RASAL2: variants seen among roughly 807,000 people sequenced by gnomAD.
RASAL2 encodes RAS protein activator like 2, also known as ras GTPase-activating protein nGAP.
A neutral mutation model predicts 128.9 loss-of-function variants in RASAL2; 58 were observed. That is an observed-to-expected ratio of 0.45 (90% CI 0.36 to 0.56). RASAL2 has a LOEUF of 0.56. Among genes scored for constraint, RASAL2 ranks in the 20% least tolerant of loss-of-function variants. RASAL2 has a pLI of 0.00. For synonymous variants in RASAL2, 561 were observed against 580.8 expected (o/e 0.97, Z 0.49); for missense variants, 1,360 against 1,601.6 (o/e 0.85, Z 2.57).
chr1:178,403,394 A>G (rs1310766305), intron 4 of RASAL2, among the ~76,000 whole-genome samples: 4 of 152,212 alleles, frequency 2.6e-5, no homozygotes, highest in Non-Finnish European at 5.9e-5. Flanking sequence ...AGAAATATGA[A>G]GATGAGCTCA....
At chr1:178,357,660 G>A (rs572499268) in intron 3 of RASAL2, among the ~76,000 whole-genome samples, 41 of 152,066 alleles carry the variant, frequency 2.7e-4, no homozygotes, top group African/African-American at 9.6e-4. Flanking sequence ...CATTTCAGTT[G>A]GAATTACAAT....
chr1:178,460,604 A>G (rs1201918905), intron 14 of RASAL2, among the ~76,000 whole-genome samples: 8 of 152,156 alleles, frequency 5.3e-5, no homozygotes, highest in Admixed American at 5.2e-4. Context: ...GAGTCACCAA[A>G]TATATTTTTT....
At chr1:178,399,885 G>A (rs1673502408) in intron 4 of RASAL2, among the ~76,000 whole-genome samples, 1 of 152,242 alleles carries the variant, frequency 6.6e-6, no homozygotes, top group South Asian at 2.1e-4. Flanking sequence ...TCTGCTGCCA[G>A]AGTGGTCTCT....
intron 12 of RASAL2, 101 bp from the exon 13 acceptor site, chr1:178,456,620 A>G (rs1677791760): frequency 3.9e-6 from 5 of 1,271,074 alleles, no homozygotes; most frequent in Non-Finnish European, 4.6e-6. Context: ...CTTCCCTCCA[A>G]CCTACACCCC....
chr1:178,262,064 G>T (rs538170259), intron 1 of RASAL2, among the ~76,000 whole-genome samples: 1 of 151,696 alleles, frequency 6.6e-6, no homozygotes, highest in African/African-American at 2.4e-5. Context: ...CTCTTTTTTT[G>T]GTGTCATTAT....
chr1:178,132,010 T>C (rs1279650469), intron 1 of RASAL2, among the ~76,000 whole-genome samples: 1 of 152,034 alleles, frequency 6.6e-6, no homozygotes, highest in African/African-American at 2.4e-5. Flanking sequence ...GTCAGGCATC[T>C]TTTCTTCCTC....
chr1:178,463,426 A>G (rs17513307), intron 14 of RASAL2, among the ~76,000 whole-genome samples: 65 of 152,290 alleles, frequency 4.3e-4, no homozygotes, highest in African/African-American at 1.4e-3. Context: ...TAGCACTCTG[A>G]AGTTTCCAAA....
At chr1:178,150,020 C>T (rs1296352427) in intron 1 of RASAL2, among the ~76,000 whole-genome samples, 2 of 152,118 alleles carry the variant, frequency 1.3e-5, no homozygotes, top group African/African-American at 4.8e-5. Context: ...TTTAAAGGTA[C>T]CATCCTATTT....
chr1:178,126,193 T>G (rs1225086637), intron 1 of RASAL2, among the ~76,000 whole-genome samples: 1 of 152,182 alleles, frequency 6.6e-6, no homozygotes, highest in African/African-American at 2.4e-5. Flanking sequence ...GATATGGCTG[T>G]GGAGCCTGTG....
intron 1 of RASAL2, among the ~76,000 whole-genome samples, chr1:178,137,370 T>C (rs1270979737): frequency 6.6e-6 from 1 of 152,204 alleles, no homozygotes; most frequent in Non-Finnish European, 1.5e-5. Flanking sequence ...TTTTCCTCTG[T>C]CCTCTTTCTC....
intron 3 of RASAL2, among the ~76,000 whole-genome samples, chr1:178,313,542 G>A (rs968027070): frequency 1.3e-5 from 2 of 151,640 alleles, no homozygotes; most frequent in African/African-American, 4.9e-5. Context: ...CCGGGCTGGA[G>A]TGCAGTGGCA....
intron 1 of RASAL2, among the ~76,000 whole-genome samples, chr1:178,210,112 T>C: frequency 6.6e-6 from 1 of 152,128 alleles, no homozygotes; most frequent in East Asian, 1.9e-4. Context: ...TTTTGTCTTT[T>C]CATGCTTCAT....
intron 1 of RASAL2, among the ~76,000 whole-genome samples, chr1:178,153,270 G>T (rs1660974376): frequency 6.6e-6 from 1 of 152,010 alleles, no homozygotes; most frequent in Non-Finnish European, 1.5e-5. Context: ...AGCTTAATCT[G>T]ATTTAGACAT....
rs763191586 is a variant in RASAL2, at chr1:178,300,108, C to T, written c.447C>T (p.Ala149=). The T allele has an allele frequency of 9.3e-6, 15 of 1,612,362 alleles. No homozygotes were observed. The highest frequency in any genetic ancestry group is 2.2e-5 in the South Asian group (2 of 90,792). Residue 149 remains alanine (A), a synonymous_variant, in exon 3 of 18, where the codon GCC becomes GCT. Coordinates refer to ENST00000367649, the MANE Select transcript of RASAL2 (RefSeq NM_170692.4). ...GQFPEYPPEG[A]TKLEVPAERS... ...TTCCCGAGTACCCACCAGAGGGCGC[C>T]ACTAAACTGGGTAAGCTACTATGAA... is the stretch of plus-strand genomic sequence containing the variant.
At chr1:178,391,184 G>T (rs541481679) in intron 4 of RASAL2, among the ~76,000 whole-genome samples, 2 of 152,132 alleles carry the variant, frequency 1.3e-5, no homozygotes, top group African/African-American at 2.4e-5. Context: ...GCTGAGGTGG[G>T]AGGATTAATT....
chr1:178,303,192 T>C (rs1667845512), intron 3 of RASAL2, among the ~76,000 whole-genome samples: 1 of 152,076 alleles, frequency 6.6e-6, no homozygotes, highest in Non-Finnish European at 1.5e-5. Flanking sequence ...CAATAACATA[T>C]CTTTTTGGAG....
intron 1 of RASAL2, among the ~76,000 whole-genome samples, chr1:178,128,358 G>A (rs1228859782): frequency 6.6e-6 from 1 of 152,036 alleles, no homozygotes; most frequent in African/African-American, 2.4e-5. Flanking sequence ...CTCTGTCTCA[G>A]TTCCCTGGTT....
At chr1:178,454,688 C>A in intron 12 of RASAL2, 40 bp downstream of exon 12, 2 of 1,557,530 alleles carry the variant, frequency 1.3e-6, no homozygotes, top group East Asian at 2.2e-5. Flanking sequence ...TTTAATGTAC[C>A]TGAATTCTGG....
chr1:178,477,098 A>C lies in RASAL2; in HGVS notation c.*3859A>C, dbSNP rs1208451719. The C allele has an allele frequency of 6.6e-6, 1 of 152,564 alleles. No homozygotes were observed. The highest frequency in any genetic ancestry group is 1.5e-5 in the Non-Finnish European group (1 of 68,142). 9.5% of individuals were successfully genotyped at this position (152,564 alleles called of 1,614,324 possible). The stretch of plus-strand genomic sequence containing the variant: ...GCCAAACCCAACAGCCACATGCCAT[A>C]GCTTCACTGCATTTTCAGCTACACC... On this transcript the variant is annotated 3_prime_UTR_variant, in exon 18 of 18. Coordinates refer to ENST00000367649, the MANE Select transcript of RASAL2 (RefSeq NM_170692.4).
Sources: gnomAD v4.1 joint callset for allele counts (sites outside exome capture counted in the v4.1 genomes callset) on GRCh38, gnomAD v4.1.1 for gene constraint, MANE v1.5 for transcripts, NCBI Gene and HGNC (gene_info 2026-07-23, HGNC 2026-07-21) for gene names.